The following TGFA variants were observed in gnomAD, a reference collection of about 807,000 sequenced individuals.
TGFA encodes the protein protransforming growth factor alpha.
TGFA carries 12 observed loss-of-function variants against 21.7 expected under a neutral mutation model. That is an observed-to-expected ratio of 0.55 (90% confidence interval 0.35 to 0.90). The LOEUF (loss-of-function observed/expected upper bound fraction) is 0.90, where lower values mean the gene tolerates loss of function less well. Ranked by LOEUF, TGFA falls within the 40% of genes least tolerant of loss-of-function variation. TGFA has a pLI of 0.01. For missense variants in TGFA, 178 were observed against 210.8 expected, an observed-to-expected ratio of 0.84 and a Z score of 0.96; for synonymous variants, 79 against 88.1, an observed-to-expected ratio of 0.90 and a Z score of 0.58.
intron 3 of TGFA, among the ~76,000 whole-genome samples, chr2:70,457,832 G>A (rs539758358): frequency 6.6e-6 from 1 of 152,180 alleles, no homozygotes; most frequent in Non-Finnish European, 1.5e-5. Flanking sequence ...GTGAATCACA[G>A]TGCCCGGCCT....
chr2:70,521,035 GC>G, intron 1 of TGFA, among the ~76,000 whole-genome samples: 1 of 151,662 alleles, frequency 6.6e-6, no homozygotes, highest in East Asian at 1.9e-4. Context: ...CCCAATTCAG[GC>G]CCTATCATCT....
intron 4 of TGFA, among the ~76,000 whole-genome samples, chr2:70,455,903 C>CTG (rs1160928138): frequency 4.6e-5 from 7 of 152,208 alleles, no homozygotes; most frequent in Admixed American, 1.3e-4. Context: ...GAATGATGGT[C>CTG]ATCAGCCTGT....
chr2:70,499,995 C>T (rs1234185133), intron 2 of TGFA, among the ~76,000 whole-genome samples: 1 of 152,094 alleles, frequency 6.6e-6, no homozygotes, highest in African/African-American at 2.4e-5. Context: ...TTTAATTTAA[C>T]CAAATAAGGT....
chr2:70,509,893 G>A (rs1428316303), intron 2 of TGFA, among the ~76,000 whole-genome samples: 1 of 152,126 alleles, frequency 6.6e-6, no homozygotes, highest in Non-Finnish European at 1.5e-5. Context: ...CCTCTTAAGG[G>A]GCATTTAAAA....
chr2:70,481,647 CCAATAGAATATGA>C, intron 2 of TGFA, among the ~76,000 whole-genome samples: 1 of 152,282 alleles, frequency 6.6e-6, no homozygotes, highest in South Asian at 2.1e-4. Flanking sequence ...GTCTGTGCGA[CCAATAGAATATGA>C]ATGGGATGTG....
At chr2:70,493,253 A>G (rs1249998480) in intron 2 of TGFA, among the ~76,000 whole-genome samples, 1 of 152,228 alleles carries the variant, frequency 6.6e-6, no homozygotes, top group Non-Finnish European at 1.5e-5. Context: ...TCTATGGGCC[A>G]GAGAGCATGT....
chr2:70,525,211 A>ACC (rs1672597674), intron 1 of TGFA, among the ~76,000 whole-genome samples: 3 of 152,072 alleles, frequency 2.0e-5, no homozygotes, highest in Non-Finnish European at 1.5e-5. Context: ...ACCCTGGTGC[A>ACC]CAACACCCTG....
At position 70,448,345 on chromosome 2, in the gene TGFA, A is replaced by G. The variant is rs1347926565; in HGVS notation, c.*2514T>C. On this transcript the variant is annotated 3_prime_UTR_variant, in exon 6 of 6. Transcript: ENST00000295400. ...TTATTTTTTTAAATGGGGGCTTTTC[A>G]TTGTCTCCTGAGCCATTGGAAACAG... is the stretch of plus-strand genomic sequence containing the variant. The G allele has an allele frequency of 3.3e-5, 5 of 152,140 alleles. No individual in the cohort carries two copies. The highest frequency in any genetic ancestry group is 1.2e-4 in the African/African-American group (5 of 41,434). 9.4% of individuals were successfully genotyped at this position (152,140 alleles called of 1,614,324 possible).
chr2:70,519,985 G>A (rs146699240), intron 1 of TGFA, among the ~76,000 whole-genome samples: 1 of 152,298 alleles, frequency 6.6e-6, no homozygotes, highest in Non-Finnish European at 1.5e-5. Context: ...CTAAGGCTTG[G>A]TGTGCTCATC....
At chr2:70,548,794 C>G (rs1034698763) in intron 1 of TGFA, among the ~76,000 whole-genome samples, 1 of 152,172 alleles carries the variant, frequency 6.6e-6, no homozygotes, top group Admixed American at 6.5e-5. Context: ...ACAGAATTTA[C>G]CATTTTACCC....
chr2:70,547,933 T>C (rs1271242129), intron 1 of TGFA, among the ~76,000 whole-genome samples: 4 of 150,756 alleles, frequency 2.7e-5, no homozygotes, highest in African/African-American at 9.7e-5. Flanking sequence ...TAAAACAAAA[T>C]GTGAATCAGT....
At position 70,447,783 on chromosome 2, in the gene TGFA, G is replaced by T. The variant is rs1165502308; in HGVS notation, c.*3076C>A. ...AATGTGTTCTTGGTTTTGGGCATTT[G>T]AGTCATTCCTCCTTCTGTGACTGGG... On this transcript the variant is annotated 3_prime_UTR_variant, in exon 6 of 6. Coordinates refer to ENST00000295400, the MANE Select transcript of TGFA (RefSeq NM_003236.4). 2.0e-5 allele frequency: 3 copies of T among 152,190 alleles called. No individual in the cohort carries two copies. The highest frequency in any genetic ancestry group is 2.9e-5 in the Non-Finnish European group (2 of 68,044). 9.4% of individuals were successfully genotyped at this position (152,190 alleles called of 1,614,324 possible). A position where few individuals can be genotyped will look rare whatever the true frequency, so the allele number is the denominator to read the frequency against.
chr2:70,461,079 A>G (rs1670392445), intron 3 of TGFA, among the ~76,000 whole-genome samples: 1 of 152,152 alleles, frequency 6.6e-6, no homozygotes, highest in African/African-American at 2.4e-5. Flanking sequence ...TTACAATCCT[A>G]TGAAGTATTA....
chr2:70,484,124 C>T (rs782760148), intron 2 of TGFA, among the ~76,000 whole-genome samples: 1 of 152,204 alleles, frequency 6.6e-6, no homozygotes, highest in Non-Finnish European at 1.5e-5. Context: ...CCTTCTCTCA[C>T]TTCTATAGCA....
intron 2 of TGFA, among the ~76,000 whole-genome samples, chr2:70,471,502 A>C (rs1487254413): frequency 6.6e-6 from 1 of 152,168 alleles, no homozygotes; most frequent in Admixed American, 6.5e-5. Flanking sequence ...CATCTCCAAC[A>C]AGTGAGGGCG....
At chr2:70,485,270 GC>G (rs1322493155) in intron 2 of TGFA, among the ~76,000 whole-genome samples, 1 of 151,724 alleles carries the variant, frequency 6.6e-6, no homozygotes, top group African/African-American at 2.4e-5. Context: ...ACAGACTCTT[GC>G]CCTGTCACCC....
intron 1 of TGFA, 199 bp downstream of exon 1, chr2:70,553,529 C>T (rs964498523): frequency 7.3e-7 from 1 of 1,376,742 alleles, no homozygotes; most frequent in African/African-American, 1.5e-5. Context: ...CCGGGGAAGC[C>T]TCGGCGCTCG....
At chr2:70,461,289 CT>C (rs1670397834) in intron 3 of TGFA, among the ~76,000 whole-genome samples, 1 of 152,168 alleles carries the variant, frequency 6.6e-6, no homozygotes, top group African/African-American at 2.4e-5. Flanking sequence ...TGATGTCATC[CT>C]TCTTAACCCT....
At chr2:70,498,735 G>A (rs73939721) in intron 2 of TGFA, among the ~76,000 whole-genome samples, 2 of 152,254 alleles carry the variant, frequency 1.3e-5, no homozygotes, top group African/African-American at 4.8e-5. Context: ...GTCCACACCT[G>A]CCAGTGTATA....
Sources: gnomAD v4.1 joint callset for allele counts (sites outside exome capture counted in the v4.1 genomes callset) on GRCh38, gnomAD v4.1.1 for gene constraint, MANE v1.5 for transcripts, NCBI Gene and HGNC (gene_info 2026-07-23, HGNC 2026-07-21) for gene names.